CPQ: variants seen among roughly 807,000 people sequenced by gnomAD.
CPQ encodes the protein Ser-Met dipeptidase.
Under a neutral mutation model 45.7 loss-of-function variants are expected in CPQ, and 37 were observed. That is an observed-to-expected ratio of 0.81 (90% CI 0.62 to 1.07). The LOEUF is 1.07. Among genes scored for constraint, CPQ ranks in the 50% least tolerant of loss-of-function variants. The pLI is 0.00. For missense variants in CPQ, 537 were observed against 572.9 expected, an observed-to-expected ratio of 0.94 and a Z score of 0.64; for synonymous variants, 186 against 205.8, an observed-to-expected ratio of 0.90 and a Z score of 0.82.
At chr8:96,650,315 G>C (rs1025901089) in intron 1 of CPQ, among the ~76,000 whole-genome samples, 1 of 152,198 alleles carries the variant, frequency 6.6e-6, no homozygotes, top group Non-Finnish European at 1.5e-5. Context: ...ATGACAAACA[G>C]GTGTTAAAGA....
intron 1 of CPQ, among the ~76,000 whole-genome samples, chr8:96,716,714 C>A (rs1809678122): frequency 6.6e-6 from 1 of 152,004 alleles, no homozygotes; most frequent in African/African-American, 2.4e-5. Flanking sequence ...TTGAGACCAG[C>A]CTGGCCAACA....
chr8:96,680,226 C>T (rs1013886002), intron 1 of CPQ, among the ~76,000 whole-genome samples: 4 of 152,252 alleles, frequency 2.6e-5, no homozygotes, highest in Middle Eastern at 3.4e-3. Flanking sequence ...TGTACAGTTT[C>T]CAAAGTTCCT....
At chr8:96,802,934 A>G (rs2044970885) in intron 2 of CPQ, among the ~76,000 whole-genome samples, 1 of 151,948 alleles carries the variant, frequency 6.6e-6, no homozygotes, top group African/African-American at 2.4e-5. Flanking sequence ...GTTGGTGATT[A>G]TTATCTCTTT....
chr8:96,883,425 T>C (rs187753753), intron 4 of CPQ, among the ~76,000 whole-genome samples: 3 of 152,348 alleles, frequency 2.0e-5, no homozygotes, highest in African/African-American at 7.2e-5. Flanking sequence ...TCATGAGATT[T>C]AGGATGTTGC....
At chr8:96,898,533 G>A (rs1026010538) in intron 4 of CPQ, among the ~76,000 whole-genome samples, 1 of 149,154 alleles carries the variant, frequency 6.7e-6, no homozygotes, top group Non-Finnish European at 1.5e-5. Context: ...TGAACTGTGG[G>A]TTGCTGCTGC....
At chr8:96,943,827 A>G (rs538156026) in intron 4 of CPQ, among the ~76,000 whole-genome samples, 131 of 152,268 alleles carry the variant, frequency 8.6e-4, no homozygotes, top group Middle Eastern at 3.4e-3. Flanking sequence ...GGTTAATTCC[A>G]GGACTCTTAT....
At chr8:96,960,335 ATG>A (rs1449592021) in intron 4 of CPQ, among the ~76,000 whole-genome samples, 1 of 152,200 alleles carries the variant, frequency 6.6e-6, no homozygotes, top group Non-Finnish European at 1.5e-5. Context: ...TTGTAAGTAA[ATG>A]TAGATATTTT....
At chr8:96,946,091 G>A (rs547664431) in intron 4 of CPQ, among the ~76,000 whole-genome samples, 1 of 151,964 alleles carries the variant, frequency 6.6e-6, no homozygotes, top group Non-Finnish European at 1.5e-5. Context: ...TTGTGAAAAG[G>A]TATATCCCTG....
intron 7 of CPQ, among the ~76,000 whole-genome samples, chr8:97,112,438 C>A (rs1336876564): frequency 2.0e-5 from 3 of 152,100 alleles, no homozygotes; most frequent in Non-Finnish European, 4.4e-5. Flanking sequence ...AGCTGGAAGC[C>A]ATGAGGGTGG....
At chr8:96,663,240 G>A (rs1476265161) in intron 1 of CPQ, among the ~76,000 whole-genome samples, 1 of 152,200 alleles carries the variant, frequency 6.6e-6, no homozygotes, top group Non-Finnish European at 1.5e-5. Context: ...AATAATGGGA[G>A]GCTGTGTGCT....
chr8:97,091,368 A>G (rs1030318287), intron 7 of CPQ, among the ~76,000 whole-genome samples: 2 of 152,222 alleles, frequency 1.3e-5, no homozygotes, highest in Non-Finnish European at 2.9e-5. Context: ...TGACTTCAGT[A>G]CAGTCACAGA....
At chr8:96,958,684 C>T (rs1260397317) in intron 4 of CPQ, among the ~76,000 whole-genome samples, 1 of 152,086 alleles carries the variant, frequency 6.6e-6, no homozygotes, top group African/African-American at 2.4e-5. Flanking sequence ...CTTGTTTTAT[C>T]CTGAGCTATC....
intron 4 of CPQ, among the ~76,000 whole-genome samples, chr8:96,906,974 A>G (rs1051428397): frequency 1.3e-5 from 2 of 152,212 alleles, no homozygotes; most frequent in South Asian, 4.1e-4. Flanking sequence ...GTAATGTAGG[A>G]GGAGCATTTA....
At chr8:96,711,356 C>T (rs1262802118) in intron 1 of CPQ, among the ~76,000 whole-genome samples, 2 of 152,198 alleles carry the variant, frequency 1.3e-5, no homozygotes. Context: ...GTGTACTGTT[C>T]AGTCATCATG....
chr8:96,884,304 T>C (rs1812270952), intron 4 of CPQ, among the ~76,000 whole-genome samples: 1 of 152,248 alleles, frequency 6.6e-6, no homozygotes, highest in Non-Finnish European at 1.5e-5. Context: ...CCTTTACTGC[T>C]ACTACTGCCT....
At chr8:96,796,964 T>C (rs1346095364) in intron 2 of CPQ, among the ~76,000 whole-genome samples, 1 of 152,232 alleles carries the variant, frequency 6.6e-6, no homozygotes, top group Non-Finnish European at 1.5e-5. Flanking sequence ...GGATTTTAAA[T>C]GGTTTACAGA....
At position 96,695,781 on chromosome 8, in the gene CPQ, T is replaced by G. The variant is rs553596230; in HGVS notation, c.-35+50379T>G. On this transcript the variant is annotated intron_variant, in intron 1 of 7. Coordinates refer to ENST00000220763, the MANE Select transcript of CPQ (RefSeq NM_016134.4). ...AGTTAGAATGGCGATCATTAAAAAG[T>G]CAGGGAACAACAGGTGCTGGAGAGG... Among the ~76,000 whole-genome samples, 326 of 151,140 alleles carry G rather than the reference T, an allele frequency of 2.2e-3. 18 individuals carry two copies. The highest frequency in any genetic ancestry group is 7.4e-3 in the African/African-American group (300 of 40,484).
chr8:97,035,183 G>A (rs1276571477), intron 6 of CPQ, among the ~76,000 whole-genome samples: 1 of 152,236 alleles, frequency 6.6e-6, no homozygotes, highest in African/African-American at 2.4e-5. Context: ...GAGCCACCAC[G>A]CCCAGCCATC....
rs1237149431 is a variant in CPQ at position 96,956,613 on chromosome 8, A to G, written c.850-9322A>G. 2.6e-5 allele frequency among the ~76,000 whole-genome samples: 4 copies of G among 152,274 alleles called. No homozygotes were observed. In the East Asian group the frequency reaches 5.8e-4, roughly 22 times the overall value. On this transcript the variant is annotated intron_variant, in intron 4 of 7. Coordinates refer to ENST00000220763, the MANE Select transcript of CPQ (RefSeq NM_016134.4). The stretch of plus-strand genomic sequence containing the variant: ...TATATTCTTTTCCTTGGCTCTCATC[A>G]TGTTTATATTAGATACAAAACTAGT...
Sources: allele counts gnomAD v4.1 joint callset (sites outside exome capture counted in the v4.1 genomes callset), GRCh38; gene constraint gnomAD v4.1.1; transcripts MANE v1.5; gene names NCBI Gene and HGNC (gene_info 2026-07-23, HGNC 2026-07-21).